The following TCF25 variants were observed in gnomAD, a reference collection of about 807,000 sequenced individuals.
TCF25 encodes ribosome quality control complex subunit TCF25.
In TCF25, 41 loss-of-function variants were observed where a neutral mutation model predicts 83.1. That is an observed-to-expected ratio of 0.49 (90% CI 0.38 to 0.64). TCF25 has a LOEUF of 0.64. Ranked by LOEUF, TCF25 falls within the 30% of genes least tolerant of loss-of-function variation. The probability of loss-of-function intolerance (pLI) is 0.00; values close to 1 mark genes in which losing one functional copy is unlikely to be tolerated. For synonymous variants in TCF25, 458 were observed against 365.0 expected, an observed-to-expected ratio of 1.25 and a Z score of -2.90; for missense variants, 979 against 914.5, an observed-to-expected ratio of 1.07 and a Z score of -0.91.
At position 89,911,196 on chromosome 16, in the gene TCF25, G is replaced by T; in HGVS notation, c.1989G>T (p.Ala663=). ...ACTTCCACCTCAACGACCTGGAGGCGCCGCACGAGGACGACGCTGAGGGGG... is the reference window on the plus strand; with the variant it reads ...ACTTCCACCTCAACGACCTGGAGGCTCCGCACGAGGACGACGCTGAGGGGG... ...MANFHLNDLE[A]PHEDDAEGEG... The change falls in exon 18 of 18, where the codon GCG becomes GCT. Residue 663 remains alanine, a synonymous_variant. Coordinates refer to ENST00000263346, the MANE Select transcript of TCF25 (RefSeq NM_014972.3). The T allele has an allele frequency of 1.2e-6, 2 of 1,612,456 alleles. No homozygotes were observed. Among genetic ancestry groups the T allele is most frequent in the Non-Finnish European group, 1.7e-6 (2 of 1,179,946 alleles).
intron 7 of TCF25, among the ~76,000 whole-genome samples, chr16:89,894,275 A>T (rs953075948): frequency 5.6e-5 from 8 of 143,772 alleles, no homozygotes; most frequent in Non-Finnish European, 9.1e-5. Flanking sequence ...AGCCCCAGAC[A>T]GCCCCGGACC....
At chr16:89,904,063 G>C in intron 12 of TCF25, 55 bp from the exon 13 acceptor site, 1 of 1,552,110 alleles carries the variant, frequency 6.4e-7, no homozygotes, top group Non-Finnish European at 8.8e-7. Flanking sequence ...TTGGGGGCTA[G>C]GAGTGGCTGG....
intron 16 of TCF25, among the ~76,000 whole-genome samples, chr16:89,908,633 C>G (rs1047923094): frequency 6.8e-3 from 46 of 6,764 alleles, no homozygotes; most frequent in Non-Finnish European, 8.9e-3. Flanking sequence ...CCAGCTCCCA[C>G]CTCCCACCTC....
intron 13 of TCF25, 68 bp downstream of exon 13, chr16:89,904,273 T>G (rs1276517642): frequency 6.6e-7 from 1 of 1,516,944 alleles, no homozygotes; most frequent in Non-Finnish European, 9.0e-7. Context: ...CCATTTTCAC[T>G]CATCCTGAGA....
intron 1 of TCF25, among the ~76,000 whole-genome samples, chr16:89,875,187 G>C (rs2042085188): frequency 6.6e-6 from 1 of 152,128 alleles, no homozygotes; most frequent in Non-Finnish European, 1.5e-5. Flanking sequence ...TTAAATTTTT[G>C]TCAATGTAAT....
chr16:89,906,992 C>T (rs932343926), intron 15 of TCF25, among the ~76,000 whole-genome samples: 1 of 152,106 alleles, frequency 6.6e-6, no homozygotes, highest in African/African-American at 2.4e-5. Flanking sequence ...CCACCACACA[C>T]TCTGGTGTGC....
Position 89,873,647 on chromosome 16 carries a change from ACGT to A in TCF25, c.-17_-15del, listed in dbSNP as rs1567683611. On this transcript the variant is annotated 5_prime_UTR_variant, in exon 1 of 18. Coordinates refer to ENST00000263346, the MANE Select transcript of TCF25 (RefSeq NM_014972.3). ...TGCGCTTCCTTCTCCCTCTCTCCAG[ACGT>A]CGTGGTCGTTCGGTCCTATGTCGCG... 6 of 1,541,574 alleles carry A rather than the reference ACGT, an allele frequency of 3.9e-6. No homozygotes were observed. The highest frequency in any genetic ancestry group is 4.3e-6 in the Non-Finnish European group (5 of 1,149,652).
intron 1 of TCF25, among the ~76,000 whole-genome samples, chr16:89,878,010 G>T (rs2042320432): frequency 6.6e-6 from 1 of 152,126 alleles, no homozygotes; most frequent in African/African-American, 2.4e-5. Context: ...AGGGTTGGTG[G>T]CTGACACCTG....
chr16:89,910,932 G>T (rs150696843), intron 17 of TCF25, 148 bp from the exon 18 acceptor site: 150 of 1,184,080 alleles, frequency 1.3e-4, no homozygotes, highest in Middle Eastern at 8.7e-4. Context: ...GGTTTTGAGA[G>T]CTTCCTCCTC....
chr16:89,894,002 C>A, intron 7 of TCF25, 144 bp downstream of exon 7: 1 of 1,250,242 alleles, frequency 8.0e-7, no homozygotes, highest in Non-Finnish European at 1.1e-6. Context: ...GCAGGGCGGT[C>A]TGGCCCTGTG....
rs1052142105 is a variant in TCF25 at position 89,908,898 on chromosome 16, G to A, written c.1799+1576G>A. On this transcript the variant is annotated intron_variant, in intron 16 of 17. Transcript: ENST00000263346. Reference sequence around the variant, plus strand: ...CAGGGCTTTGGGGCTCACAGGGACTGGCTGCCTCTTTCAGACCCAGATGCT... The same window carrying A: ...CAGGGCTTTGGGGCTCACAGGGACTAGCTGCCTCTTTCAGACCCAGATGCT... 3.1e-6 allele frequency: 4 copies of A among 1,276,670 alleles called. No homozygotes were observed. The Admixed American group carries it at 9.4e-5, about 30-fold the overall frequency. The allele number at this position is 1,276,670 out of a possible 1,614,324, so 79.1% of individuals were successfully genotyped here. A position where few individuals can be genotyped will look rare whatever the true frequency, so the allele number is the denominator to read the frequency against.
intron 11 of TCF25, among the ~76,000 whole-genome samples, chr16:89,899,927 T>C (rs968194183): frequency 3.9e-5 from 6 of 151,968 alleles, no homozygotes; most frequent in African/African-American, 1.2e-4. Flanking sequence ...ATAATGAAAG[T>C]GGGTAAATTA....
At chr16:89,873,980 T>C (rs1472615851) in intron 1 of TCF25, 121 bp downstream of exon 1, 10 of 905,002 alleles carry the variant, frequency 1.1e-5, no homozygotes, top group South Asian at 3.8e-5. Context: ...GTGACGTGGG[T>C]CCCAGCCGCA....
chr16:89,903,811 A>G (rs2044547884), intron 12 of TCF25, among the ~76,000 whole-genome samples: 1 of 152,050 alleles, frequency 6.6e-6, no homozygotes, highest in African/African-American at 2.4e-5. Flanking sequence ...TGTCTCAGAA[A>G]AACAAAAAAA....
At position 89,900,742 on chromosome 16, in the gene TCF25, C is replaced by T. The variant is rs201702290; in HGVS notation, c.1329C>T (p.Ala443=). The part of the protein sequence containing the change: ...TDLPECEQSS[A]RQKASLLIQQ... ...TCCCTGAGTGTGAGCAGAGCTCTGC[C>T]AGGCAGAAGGCCTCTCTCCTGATAC... Residue 443 remains alanine (A), a synonymous_variant, in exon 12 of 18, where the codon GCC becomes GCT. Coordinates refer to ENST00000263346, the MANE Select transcript of TCF25 (RefSeq NM_014972.3). 113 of 1,598,640 alleles carry T rather than the reference C, an allele frequency of 7.1e-5. No homozygotes were observed. Among genetic ancestry groups the T allele is most frequent in the Non-Finnish European group, 9.0e-5 (105 of 1,167,110 alleles).
intron 6 of TCF25, among the ~76,000 whole-genome samples, chr16:89,892,649 C>T (rs536094263): frequency 7.5e-4 from 115 of 152,344 alleles, no homozygotes; most frequent in African/African-American, 2.6e-3. Context: ...TGGAAGCAAT[C>T]GAGTTCATTT....
chr16:89,895,218 ACAGGGGTTGC>A, intron 8 of TCF25, 81 bp downstream of exon 8: 1 of 1,311,994 alleles, frequency 7.6e-7, no homozygotes, highest in South Asian at 1.3e-5. Flanking sequence ...GTGTAAGATG[ACAGGGGTTGC>A]CAGGATATCC....
intron 17 of TCF25, 39 bp from the exon 18 acceptor site, chr16:89,911,041 A>G (rs1474101572): frequency 6.2e-7 from 1 of 1,606,334 alleles, no homozygotes; most frequent in African/African-American, 1.3e-5. Flanking sequence ...TAGTCCCAGC[A>G]CAGACAGCCC....
At chr16:89,880,161 C>T (rs2042504058) in intron 1 of TCF25, among the ~76,000 whole-genome samples, 3 of 130,514 alleles carry the variant, frequency 2.3e-5, no homozygotes. Flanking sequence ...ATCACGCGTG[C>T]TGTCCGTGTA....
Sources: gnomAD v4.1 joint callset for allele counts (sites outside exome capture counted in the v4.1 genomes callset) on GRCh38, gnomAD v4.1.1 for gene constraint, MANE v1.5 for transcripts, NCBI Gene and HGNC (gene_info 2026-07-23, HGNC 2026-07-21) for gene names.